The following VPS13A variants were observed in gnomAD, a reference collection of about 807,000 sequenced individuals.
VPS13A encodes intermembrane lipid transfer protein VPS13A.
In VPS13A, 264 loss-of-function variants were observed where a neutral mutation model predicts 390.9. The ratio of observed to expected loss-of-function variants is 0.68; its 90% CI spans 0.61 to 0.75. The LOEUF (loss-of-function observed/expected upper bound fraction) is 0.75. Ranked by LOEUF, VPS13A falls within the 30% of genes least tolerant of loss-of-function variation. The pLI, the probability that VPS13A is intolerant of heterozygous loss-of-function variation, is 0.00. For synonymous variants in VPS13A, 1,231 were observed against 1,227.1 expected (o/e 1.00, Z -0.07); for missense variants, 3,409 against 3,733.9 (o/e 0.91, Z 2.27).
At chr9:77,211,205 T>G (rs888460609) in intron 7 of VPS13A, 2 of 152,874 alleles carry the variant, frequency 1.3e-5, no homozygotes, top group African/African-American at 4.8e-5. Context: ...TCTTAAATAT[T>G]TTTATAGGAA....
At chr9:77,235,525 C>CTT (rs1444995777) in intron 17 of VPS13A, among the ~76,000 whole-genome samples, 3 of 152,112 alleles carry the variant, frequency 2.0e-5, no homozygotes, top group African/African-American at 4.8e-5. Context: ...GTGTGAGTCT[C>CTT]TGAGTTTATC....
intron 1 of VPS13A, 127 bp downstream of exon 1, chr9:77,177,931 C>G: frequency 1.3e-6 from 1 of 771,148 alleles, no homozygotes; most frequent in Non-Finnish European, 2.1e-6. Context: ...CTGCCGCCGC[C>G]CGCCTGTGGG....
chr9:77,355,883 A>G (rs1312249659), intron 54 of VPS13A, among the ~76,000 whole-genome samples: 1 of 151,980 alleles, frequency 6.6e-6, no homozygotes, highest in Admixed American at 6.6e-5. Flanking sequence ...GGCCATCACC[A>G]TTTTTCAACT....
chr9:77,199,991 A>G lies in VPS13A; in HGVS notation c.144+3A>G, dbSNP rs2131103455. On this transcript the variant is annotated splice_donor_region_variant and intron_variant, in intron 2 of 71. Coordinates refer to ENST00000360280, the MANE Select transcript of VPS13A (RefSeq NM_033305.3). ...TTCAAATTAAAGAAAATGCCCTGGTAGGTTTTGACTATGAAAAATTTGTAA... is the reference window on the plus strand; with the variant it reads ...TTCAAATTAAAGAAAATGCCCTGGTGGGTTTTGACTATGAAAAATTTGTAA... The G allele has an allele frequency of 1.2e-6, 2 of 1,607,158 alleles. No homozygotes were observed. Among genetic ancestry groups the G allele is most frequent in the Non-Finnish European group, 8.5e-7 (1 of 1,175,970 alleles).
rs1835304601 is a variant in VPS13A, at chr9:77,420,218, C to CAG, written c.*4212_*4213insAG. Reference sequence around the variant, plus strand: ...AATCTGTACTGTCAATTTTTGGCCACTCTGGCTGTTACAGCAAACTTTTCT... The same window carrying CAG: ...AATCTGTACTGTCAATTTTTGGCCACAGTCTGGCTGTTACAGCAAACTTTTCT... On this transcript the variant is annotated 3_prime_UTR_variant, in exon 72 of 72. Coordinates refer to ENST00000360280, the MANE Select transcript of VPS13A (RefSeq NM_033305.3). 6.6e-6 allele frequency: 1 copy of CAG among 152,136 alleles called. No homozygotes were observed. The highest frequency in any genetic ancestry group is 1.5e-5 in the Non-Finnish European group (1 of 68,038). The allele number at this position is 152,136 out of a possible 1,614,324, so 9.4% of individuals were successfully genotyped here. A position where few individuals can be genotyped will look rare whatever the true frequency, so the allele number is the denominator to read the frequency against.
intron 23 of VPS13A, among the ~76,000 whole-genome samples, chr9:77,268,724 G>A (rs970573091): frequency 7.2e-5 from 11 of 152,192 alleles, no homozygotes; most frequent in Admixed American, 7.2e-4. Context: ...CAGATCACTT[G>A]AGGTTAGGAG....
intron 13 of VPS13A, among the ~76,000 whole-genome samples, chr9:77,224,884 T>G (rs559081179): frequency 6.6e-6 from 1 of 152,164 alleles, no homozygotes; most frequent in Non-Finnish European, 1.5e-5. Context: ...CAAACTTCAG[T>G]TAAGAGATTG....
chr9:77,382,388 G>T, intron 68 of VPS13A: 2 of 1,462,960 alleles, frequency 1.4e-6, no homozygotes, highest in South Asian at 3.0e-5. Context: ...TCAGTATTTT[G>T]AATACAAAGA....
chr9:77,323,136 G>A lies in VPS13A; in HGVS notation c.5900G>A (p.Arg1967Lys), dbSNP rs1829836340. Residue 1967 changes from arginine to lysine, a missense_variant, in exon 45 of 72, where the codon AGA becomes AAA. Around this residue, in one of 5 missense-constraint regions of VPS13A, gnomAD observed 2,717 missense variants for 2,917.4 expected, o/e 0.93. Transcript: ENST00000360280. ...GTGGGACGACGTCTGTACACTGTAA[G>A]ACACAGAGAGTCTGGCGTTGAAAGA... ...TKVGRRLYTV[R>K]HRESGVERSI... 1.2e-6 allele frequency: 2 copies of A among 1,613,546 alleles called. No homozygotes were observed. The highest frequency in any genetic ancestry group is 8.5e-7 in the Non-Finnish European group (1 of 1,179,624).
intron 20 of VPS13A, among the ~76,000 whole-genome samples, chr9:77,248,259 A>G (rs1405333058): frequency 6.7e-6 from 1 of 149,292 alleles, no homozygotes; most frequent in African/African-American, 2.5e-5. Flanking sequence ...TCTGTGGCCC[A>G]GGCTGGAGTG....
intron 46 of VPS13A, 148 bp from the exon 47 acceptor site, chr9:77,337,107 T>A (rs563067824): frequency 6.7e-6 from 6 of 897,224 alleles, no homozygotes; most frequent in Non-Finnish European, 9.7e-6. Context: ...TTATCTATCT[T>A]ACTTATATCG....
At chr9:77,399,444 A>G (rs1454866722) in intron 68 of VPS13A, among the ~76,000 whole-genome samples, 1 of 152,118 alleles carries the variant, frequency 6.6e-6, no homozygotes, top group Non-Finnish European at 1.5e-5. Flanking sequence ...AAGTGATGAG[A>G]GGTAGGCTTA....
intron 23 of VPS13A, among the ~76,000 whole-genome samples, chr9:77,272,853 A>G (rs957665646): frequency 6.6e-6 from 1 of 152,256 alleles, no homozygotes; most frequent in Non-Finnish European, 1.5e-5. Flanking sequence ...TTGTTTTTAT[A>G]TATGCTGTAT....
intron 63 of VPS13A, 69 bp from the exon 64 acceptor site, chr9:77,370,188 T>TAA (rs2131586913): frequency 6.4e-7 from 1 of 1,554,756 alleles, no homozygotes; most frequent in East Asian, 2.2e-5. Context: ...TCGTCGTATA[T>TAA]ATCCGTAAGC....
chr9:77,394,685 T>C (rs1318553945), intron 68 of VPS13A, among the ~76,000 whole-genome samples: 2 of 152,242 alleles, frequency 1.3e-5, no homozygotes, highest in African/African-American at 2.4e-5. Flanking sequence ...CTCATCTACA[T>C]TGAAAATCTG....
At chr9:77,407,410 T>G (rs1834674779) in intron 70 of VPS13A, 123 bp from the exon 71 acceptor site, 2 of 723,782 alleles carry the variant, frequency 2.8e-6, no homozygotes, top group East Asian at 5.3e-5. Context: ...TTGTCTTTTT[T>G]AAGGTGCATG....
Position 77,405,877 on chromosome 9 carries a change from G to C in VPS13A, c.9289G>C (p.Val3097Leu). 1 of 1,613,584 alleles carries C rather than the reference G, an allele frequency of 6.2e-7. No individual in the cohort carries two copies. Among genetic ancestry groups the C allele is most frequent in the Non-Finnish European group, 8.5e-7 (1 of 1,179,942 alleles). The change falls in exon 70 of 72, where the codon GTA becomes CTA. Residue 3097 changes from valine to leucine, a missense_variant. This residue lies in a region of VPS13A where 318 missense variants were observed against 333.7 expected (regional missense o/e 0.95). Coordinates refer to ENST00000360280, the MANE Select transcript of VPS13A (RefSeq NM_033305.3). Reference protein sequence around the residue: ...LMITRRGVLFVTKGTFGQLTC... With the variant: ...LMITRRGVLFLTKGTFGQLTC... ...TTCTTTTTGCAGTGGTGTATTGTTT[G>C]TAACAAAGGGAACATTTGGACAACT...
intron 31 of VPS13A, among the ~76,000 whole-genome samples, chr9:77,292,781 CTG>C (rs1461953178): frequency 1.3e-5 from 2 of 152,184 alleles, no homozygotes; most frequent in Admixed American, 6.5e-5. Flanking sequence ...CCATTTTTAA[CTG>C]TTATTGCAGA....
intron 23 of VPS13A, among the ~76,000 whole-genome samples, chr9:77,267,789 T>C (rs1826120893): frequency 2.0e-5 from 3 of 152,196 alleles, no homozygotes; most frequent in African/African-American, 4.8e-5. Context: ...CCCCAGGTGC[T>C]CCGTCCCAGG....
Sources: gnomAD v4.1 joint callset for allele counts (sites outside exome capture counted in the v4.1 genomes callset) on GRCh38, gnomAD v4.1.1 for gene constraint, gnomAD v4.1.1 regional missense constraint, MANE v1.5 for transcripts, NCBI Gene and HGNC (gene_info 2026-07-23, HGNC 2026-07-21) for gene names.